RAG1: variants seen among roughly 807,000 people sequenced by gnomAD.
The protein encoded by RAG1 is V(D)J recombination-activating protein 1.
Under a neutral mutation model 62.7 loss-of-function variants are expected in RAG1, and 35 were observed. That is an observed-to-expected ratio of 0.56 (90% CI 0.43 to 0.74). The LOEUF is 0.74. Among genes scored for constraint, RAG1 ranks in the 30% least tolerant of loss-of-function variants. The probability of loss-of-function intolerance (pLI) is 0.00; values close to 1 mark genes in which losing one functional copy is unlikely to be tolerated. For missense variants in RAG1, 1,169 were observed against 1,278.6 expected (o/e 0.91, Z 1.31); for synonymous variants, 461 against 470.3 (o/e 0.98, Z 0.26).
At chr11:36,541,138 A>C (rs1832088802) in intron 3 of RAG1, among the ~76,000 whole-genome samples, 1 of 152,206 alleles carries the variant, frequency 6.6e-6, no homozygotes, top group Admixed American at 6.5e-5. Flanking sequence ...GCTGAGCTGT[A>C]AACAACAGCT....
chr11:36,539,808 T>C (rs928030943), downstream of RAG1, among the ~76,000 whole-genome samples: 3 of 152,346 alleles, frequency 2.0e-5, no homozygotes, highest in Non-Finnish European at 4.4e-5. Context: ...CAAGTACTGC[T>C]GAAATTTTCT....
In RAG1 at chr11:36,573,721, CCT is replaced by C; in HGVS notation, c.418_419del (p.Leu140PhefsTer28). ...HGPVDGKTLG[L>X]LRKKEKRATS... ...GTCCTGTGGATGGTAAAACCCTAGG[CCT>C]TTTACGAAAGAAGGAAAAGAGAGCT... On this transcript the variant is annotated frameshift_variant, in exon 2 of 2. Transcript: ENST00000299440. LOFTEE classifies it high-confidence loss of function. 10 of 1,614,006 alleles carry C rather than the reference CCT, an allele frequency of 6.2e-6. No individual in the cohort carries two copies. Among genetic ancestry groups the C allele is most frequent in the Non-Finnish European group, 8.5e-6 (10 of 1,180,022 alleles).
intron 3 of RAG1, among the ~76,000 whole-genome samples, chr11:36,542,348 G>A (rs1850318449): frequency 6.6e-6 from 1 of 152,174 alleles, no homozygotes; most frequent in African/African-American, 2.4e-5. Context: ...TGTACACAGG[G>A]TAACATAGAG....
At position 36,573,322 on chromosome 11, in the gene RAG1, AC is replaced by A; in HGVS notation, c.21del (p.Thr8ProfsTer28). On this transcript the variant is annotated frameshift_variant, in exon 2 of 2. Coordinates refer to ENST00000299440, the MANE Select transcript of RAG1 (RefSeq NM_000448.3). LOFTEE classifies it high-confidence loss of function. MAASFP[P>X]TLGLSSAPDE... ...CAGCCAGCATGGCAGCCTCTTTCCC[AC>A]CCACCTTGGGACTCAGTTCTGCCCC... is the stretch of plus-strand genomic sequence containing the variant. The A allele has an allele frequency of 5.0e-6, 8 of 1,614,144 alleles. No homozygotes were observed. Among genetic ancestry groups the A allele is most frequent in the Non-Finnish European group, 6.8e-6 (8 of 1,180,016 alleles).
intron 3 of RAG1, among the ~76,000 whole-genome samples, chr11:36,546,691 G>A (rs1590682557): frequency 6.6e-6 from 1 of 152,252 alleles, no homozygotes; most frequent in African/African-American, 2.4e-5. Context: ...TTACAATTTG[G>A]TATGTTTTTG....
At chr11:36,526,294 T>C (rs1860161871) in intron 2 of RAG1, among the ~76,000 whole-genome samples, 1 of 141,164 alleles carries the variant, frequency 7.1e-6, no homozygotes, top group Admixed American at 7.7e-5. Flanking sequence ...CCATGTGTTC[T>C]CATTATCCAA....
chr11:36,536,710 T>A (rs930235411), downstream of RAG1, among the ~76,000 whole-genome samples: 6 of 151,128 alleles, frequency 4.0e-5, no homozygotes, highest in Admixed American at 4.0e-4. Flanking sequence ...TTTTATAAAG[T>A]AAATAAAAAT....
chr11:36,574,667 G>C lies in RAG1; in HGVS notation c.1363G>C (p.Glu455Gln). ...TGAGCACAGGCAAGCTGATGAGCTG[G>C]AGGCCATCATGCAGGGAAAGGGCTC... Reference protein sequence around the residue: ...RNEHRQADELEAIMQGKGSGL... With the variant: ...RNEHRQADELQAIMQGKGSGL... The change falls in exon 2 of 2, where the codon GAG (glutamate) becomes CAG (glutamine). Residue 455 changes from glutamate to glutamine, a missense_variant. Coordinates refer to ENST00000299440, the MANE Select transcript of RAG1 (RefSeq NM_000448.3). 6.2e-7 allele frequency: 1 copy of C among 1,614,218 alleles called. No individual in the cohort carries two copies. Among genetic ancestry groups the C allele is most frequent in the Non-Finnish European group, 8.5e-7 (1 of 1,180,048 alleles).
Position 36,574,428 on chromosome 11 carries a change from A to G in RAG1, c.1124A>G (p.His375Arg). 6.2e-7 allele frequency: 1 copy of G among 1,614,180 alleles called. No homozygotes were observed. The highest frequency in any genetic ancestry group is 2.2e-5 in the East Asian group (1 of 44,868). ...EEVSLEKYNH[H>R]ISSHKESKEI... ...GTCAGTTTGGAAAAATATAATCACC[A>G]CATCTCAAGTCACAAGGAATCAAAA... is the stretch of plus-strand genomic sequence containing the variant. Residue 375 changes from histidine (H) to arginine (R), a missense_variant, in exon 2 of 2, where the codon CAC becomes CGC. His to Arg is a conservative substitution (Grantham distance 29, BLOSUM62 0). Coordinates refer to ENST00000299440, the MANE Select transcript of RAG1 (RefSeq NM_000448.3).
chr11:36,536,551 G>T (rs1463103152), downstream of RAG1, among the ~76,000 whole-genome samples: 4 of 151,984 alleles, frequency 2.6e-5, no homozygotes, highest in Admixed American at 2.6e-4. Context: ...AGTTCTATGG[G>T]TATTTGCTTT....
At position 36,575,384 on chromosome 11, in the gene RAG1, C is replaced by T; in HGVS notation, c.2080C>T (p.Leu694=). ...GAAGAGCAGTGAATTAATGCTTGAG[C>T]TGGGAGGCATTCTCCGGACTTTCAA... ...AMKSSELMLE[L]GGILRTFKFI... Residue 694 remains leucine, a synonymous_variant, in exon 2 of 2, where the codon CTG becomes TTG. Coordinates refer to ENST00000299440, the MANE Select transcript of RAG1 (RefSeq NM_000448.3). The surrounding 1 kb of genome is among the most constrained non-coding windows in gnomAD (Gnocchi z 4.1). 6.2e-7 allele frequency: 1 copy of T among 1,613,902 alleles called. No homozygotes were observed. The highest frequency in any genetic ancestry group is 1.1e-5 in the South Asian group (1 of 91,078).
In RAG1 at chr11:36,576,419, G is replaced by A. The variant is rs1230617295; in HGVS notation, c.3115G>A (p.Asp1039Asn). 11 of 1,614,034 alleles carry A rather than the reference G, an allele frequency of 6.8e-6. No individual in the cohort carries two copies. Among genetic ancestry groups the A allele is most frequent in the Non-Finnish European group, 9.3e-6 (11 of 1,180,034 alleles). ...LGIEDSLESQ[D>N]SMEF is the part of the protein sequence containing the mutation. ...CATAGAGGACTCTCTGGAAAGCCAA[G>A]ATTCAATGGAATTTTAAGTAGGGCA... is the stretch of plus-strand genomic sequence containing the variant. Residue 1039 changes from aspartate (D) to asparagine (N), a missense_variant, in exon 2 of 2, where the codon GAT (aspartate) becomes AAT (asparagine). This residue lies in a region of RAG1 where 800 missense variants were observed against 943.3 expected (regional missense o/e 0.85). Transcript: ENST00000299440.
upstream of RAG1, chr11:36,510,675 C>G (rs1859904762): frequency 6.6e-6 from 1 of 152,286 alleles, no homozygotes; most frequent in Admixed American, 6.5e-5. Flanking sequence ...CCTCCTTGCC[C>G]AGGAAGTTTC....
chr11:36,532,047 T>C (rs929403323), intron 2 of RAG1, among the ~76,000 whole-genome samples: 2 of 152,064 alleles, frequency 1.3e-5, no homozygotes, highest in Non-Finnish European at 2.9e-5. Flanking sequence ...CAGTTATATA[T>C]ATTTCTTTTT....
rs1415317635 is a variant in RAG1 at position 36,579,487 on chromosome 11, G to A, written c.*3051G>A. 2 of 165,354 alleles carry A rather than the reference G, an allele frequency of 1.2e-5. No individual in the cohort carries two copies. The highest frequency in any genetic ancestry group is 1.9e-4 in the East Asian group (1 of 5,172). 10.2% of individuals were successfully genotyped at this position (165,354 alleles called of 1,614,324 possible). A position where few individuals can be genotyped will look rare whatever the true frequency, so the allele number is the denominator to read the frequency against. On this transcript the variant is annotated 3_prime_UTR_variant, in exon 2 of 2. Coordinates refer to ENST00000299440, the MANE Select transcript of RAG1 (RefSeq NM_000448.3). ...TGATTATTTTTTGTTTTGTAGAATT[G>A]CACTTCAGTTTATTTTCTTACAAAT...
chr11:36,543,460 C>G (rs977375972), intron 3 of RAG1, among the ~76,000 whole-genome samples: 2 of 152,208 alleles, frequency 1.3e-5, no homozygotes, highest in African/African-American at 4.8e-5. Context: ...TTTCCAGGCT[C>G]TACCCGAAAA....
rs778785063 is a variant in RAG1 at position 36,575,820 on chromosome 11, A to T, written c.2516A>T (p.His839Leu). The change falls in exon 2 of 2, where the codon CAT becomes CTT. Residue 839 changes from histidine to leucine, a missense_variant. By Grantham distance (99) the His-to-Leu change is moderately conservative (BLOSUM62 -3). Around this residue, in one of 2 missense-constraint regions of RAG1, gnomAD observed 800 missense variants for 943.3 expected, o/e 0.85. Coordinates refer to ENST00000299440, the MANE Select transcript of RAG1 (RefSeq NM_000448.3). The surrounding 1 kb of genome is among the most constrained non-coding windows in gnomAD (Gnocchi z 4.1). ...RKRWQATLDKHLRKKMNLKPI... is the reference protein window; with the variant it reads ...RKRWQATLDKLLRKKMNLKPI... ...AGGTGGCAGGCCACACTGGACAAGC[A>T]TCTCCGGAAGAAGATGAACCTCAAA... 34 of 1,614,118 alleles carry T rather than the reference A, an allele frequency of 2.1e-5. No homozygotes were observed. The highest frequency in any genetic ancestry group is 2.7e-5 in the African/African-American group (2 of 74,944).
intron 2 of RAG1, among the ~76,000 whole-genome samples, chr11:36,535,351 A>T (rs764018015): frequency 2.6e-5 from 4 of 152,244 alleles, no homozygotes; most frequent in Non-Finnish European, 5.9e-5. Context: ...CAACAATTCC[A>T]TGGATTCCTG....
upstream of RAG1, among the ~76,000 whole-genome samples, chr11:36,565,589 T>C (rs1850650939): frequency 6.6e-6 from 1 of 152,158 alleles, no homozygotes; most frequent in Admixed American, 6.5e-5. Context: ...AATTGGCCAA[T>C]ACATGTCAGC....
Sources: allele counts gnomAD v4.1 joint callset (sites outside exome capture counted in the v4.1 genomes callset), GRCh38; gene constraint gnomAD v4.1.1; regional missense constraint gnomAD v4.1.1; non-coding constraint Gnocchi (gnomAD v3.1); transcripts MANE v1.5; gene names NCBI Gene and HGNC (gene_info 2026-07-23, HGNC 2026-07-21).